GOLGB1: variants seen among roughly 807,000 people sequenced by gnomAD.
The protein encoded by GOLGB1 is golgin subfamily B member 1.
A neutral mutation model predicts 336.9 loss-of-function variants in GOLGB1; 174 were observed. The observed-to-expected ratio is 0.52, with a 90% CI of 0.46 to 0.59. GOLGB1 has a LOEUF of 0.59. Ranked by LOEUF, GOLGB1 falls within the 20% of genes least tolerant of loss-of-function variation. The pLI, the probability that GOLGB1 is intolerant of heterozygous loss-of-function variation, is 0.00. For missense variants in GOLGB1, 3,331 were observed against 3,645.3 expected (o/e 0.91, Z 2.22); for synonymous variants, 1,208 against 1,289.2 (o/e 0.94, Z 1.35).
At chr3:121,743,061 T>C (rs1946994377) in intron 1 of GOLGB1, among the ~76,000 whole-genome samples, 1 of 152,222 alleles carries the variant, frequency 6.6e-6, no homozygotes, top group African/African-American at 2.4e-5. Context: ...AGTGTGGCAA[T>C]TCCTCAAGGA....
rs142107400 is a variant in GOLGB1, at chr3:121,698,280, G to A, written c.2243C>T (p.Ser748Phe). Reference sequence around the variant, plus strand: ...AGAGAGAAGCTGGTCTCTTTCTTCAGACAAAGCAGTGAATGCACTGCTGTT... The same window carrying A: ...AGAGAGAAGCTGGTCTCTTTCTTCAAACAAAGCAGTGAATGCACTGCTGTT... ...DNNSSAFTAL[S>F]EERDQLLSQV... The change falls in exon 13 of 22, where the codon TCT (serine) becomes TTT (phenylalanine). Residue 748 changes from serine to phenylalanine, a missense_variant. Coordinates refer to ENST00000614479, the MANE Select transcript of GOLGB1 (RefSeq NM_001366282.2). 1 of 1,613,924 alleles carries A rather than the reference G, an allele frequency of 6.2e-7. No homozygotes were observed. The highest frequency in any genetic ancestry group is 8.5e-7 in the Non-Finnish European group (1 of 1,179,874).
intron 4 of GOLGB1, 185 bp downstream of exon 4, chr3:121,729,003 C>G: frequency 2.4e-6 from 1 of 414,104 alleles, no homozygotes; most frequent in Non-Finnish European, 4.3e-6. Context: ...TTCTGTACAT[C>G]TTTCATTCTC....
At chr3:121,689,470 A>T (rs1424460960) in intron 14 of GOLGB1, among the ~76,000 whole-genome samples, 7 of 151,244 alleles carry the variant, frequency 4.6e-5, no homozygotes, top group Non-Finnish European at 7.4e-5. Context: ...GTTAAGAGTC[A>T]TCACCACTCC....
In GOLGB1 at chr3:121,669,362, CAG is replaced by C; in HGVS notation, c.9178-9_9178-8del. The C allele has an allele frequency of 6.2e-7, 1 of 1,612,864 alleles. No homozygotes were observed. Among genetic ancestry groups the C allele is most frequent in the Non-Finnish European group, 8.5e-7 (1 of 1,178,984 alleles). On this transcript the variant is annotated splice_region_variant and splice_polypyrimidine_tract_variant and intron_variant, in intron 17 of 21. Coordinates refer to ENST00000614479, the MANE Select transcript of GOLGB1 (RefSeq NM_001366282.2). ...CTTCCAGTAGCTGAGAGAACTGAAA[CAG>C]AGGCGAGGATAAGCATCATCCTGCA...
At chr3:121,686,360 T>C (rs900955213) in intron 14 of GOLGB1, among the ~76,000 whole-genome samples, 1 of 152,238 alleles carries the variant, frequency 6.6e-6, no homozygotes, top group Non-Finnish European at 1.5e-5. Context: ...GTACAGGATA[T>C]GGTGACTTCC....
At chr3:121,727,293 CATAT>C (rs1235174337) in intron 4 of GOLGB1, among the ~76,000 whole-genome samples, 1,285 of 27,516 alleles carry the variant, frequency 0.047, 60 homozygotes, top group Non-Finnish European at 0.063. Flanking sequence ...CACACACACA[CATAT>C]ATATATATAT....
At chr3:121,683,826 T>G (rs1941381834) in intron 14 of GOLGB1, among the ~76,000 whole-genome samples, 1 of 151,932 alleles carries the variant, frequency 6.6e-6, no homozygotes, top group Non-Finnish European at 1.5e-5. Flanking sequence ...CCATTAGCCT[T>G]AGAAAGAGAA....
intron 7 of GOLGB1, 71 bp from the exon 8 acceptor site, chr3:121,718,572 T>G: frequency 3.6e-6 from 4 of 1,097,152 alleles, no homozygotes; most frequent in Non-Finnish European, 5.6e-6. Flanking sequence ...TTTCAAAATG[T>G]CATGTAGATT....
At chr3:121,664,827 G>T in intron 21 of GOLGB1, 99 bp downstream of exon 21, 1 of 827,018 alleles carries the variant, frequency 1.2e-6, no homozygotes, top group Non-Finnish European at 2.0e-6. Context: ...GCTGCTCAGT[G>T]GCTGGACTTC....
intron 17 of GOLGB1, among the ~76,000 whole-genome samples, chr3:121,671,601 G>C (rs904638941): frequency 6.6e-6 from 1 of 152,092 alleles, no homozygotes; most frequent in Non-Finnish European, 1.5e-5. Flanking sequence ...AGTGTATCTG[G>C]AATATCCATC....
chr3:121,741,061 TA>T (rs1349986708), intron 1 of GOLGB1, among the ~76,000 whole-genome samples: 1 of 152,052 alleles, frequency 6.6e-6, no homozygotes. Context: ...GTTACAAATT[TA>T]AGATATTCAA....
At chr3:121,676,394 TG>T (rs1940381546) in intron 17 of GOLGB1, among the ~76,000 whole-genome samples, 1 of 152,240 alleles carries the variant, frequency 6.6e-6, no homozygotes, top group Admixed American at 6.5e-5. Context: ...ATACAATTTT[TG>T]GGCATTCTTG....
chr3:121,747,739 T>C (rs184608877), intron 1 of GOLGB1, among the ~76,000 whole-genome samples: 2 of 152,226 alleles, frequency 1.3e-5, no homozygotes, highest in East Asian at 3.9e-4. Flanking sequence ...AGAAATTATT[T>C]ACAGTGCTTA....
In GOLGB1 at chr3:121,691,717, T is replaced by C. The variant is rs1046670302; in HGVS notation, c.7647A>G (p.Ile2549Met). 2 of 1,612,766 alleles carry C rather than the reference T, an allele frequency of 1.2e-6. No homozygotes were observed. Among genetic ancestry groups the C allele is most frequent in the African/African-American group, 2.7e-5 (2 of 74,790 alleles). ...GCTTTTGTTGGCTGTCCTTTATTGT[T>C]ATCACTTGGTTCAGGTCTTCTCTAT... ...IQYREDLNQV[I>M]TIKDSQQKQL... Residue 2549 changes from isoleucine to methionine, a missense_variant, in exon 14 of 22, where the codon ATA becomes ATG. Ile to Met is a conservative substitution (Grantham distance 10). Transcript: ENST00000614479.
chr3:121,712,158 T>G (rs1416021939), intron 10 of GOLGB1, among the ~76,000 whole-genome samples: 1 of 152,162 alleles, frequency 6.6e-6, no homozygotes, highest in African/African-American at 2.4e-5. Flanking sequence ...CAGAAATAGA[T>G]GTATTAGTCT....
At chr3:121,672,892 C>T (rs1939744537) in intron 17 of GOLGB1, among the ~76,000 whole-genome samples, 1 of 152,206 alleles carries the variant, frequency 6.6e-6, no homozygotes, top group Non-Finnish European at 1.5e-5. Context: ...ATTGTCCTTT[C>T]TCCATCATAT....
chr3:121,684,966 G>A (rs539825486), intron 14 of GOLGB1, among the ~76,000 whole-genome samples: 70 of 152,296 alleles, frequency 4.6e-4, no homozygotes, highest in Admixed American at 7.8e-4. Context: ...TTTTCTTCCT[G>A]AAGATGAAAT....
At position 121,682,473 on chromosome 3, in the gene GOLGB1, G is replaced by C. The variant is rs544332873; in HGVS notation, c.8695-608C>G. On this transcript the variant is annotated intron_variant, in intron 14 of 21. Coordinates refer to ENST00000614479, the MANE Select transcript of GOLGB1 (RefSeq NM_001366282.2). The stretch of plus-strand genomic sequence containing the variant: ...TAATTTTCCTCATCTATTAAATGAA[G>C]ATAATTATAGTACCTTTTTCATAAG... Among the ~76,000 whole-genome samples the C allele has an allele frequency of 5.9e-5, 9 of 152,182 alleles. No individual in the cohort carries two copies. The South Asian group carries it at 1.9e-3, about 32-fold the overall frequency.
chr3:121,699,860 G>A lies in GOLGB1; in HGVS notation c.1545C>T (p.Leu515=), dbSNP rs748646814. 2 of 1,602,384 alleles carry A rather than the reference G, an allele frequency of 1.2e-6. No individual in the cohort carries two copies. The highest frequency in any genetic ancestry group is 1.1e-5 in the South Asian group (1 of 90,256). Residue 515 remains leucine (L), a synonymous_variant, in exon 12 of 22, where the codon CTC becomes CTT. Coordinates refer to ENST00000614479, the MANE Select transcript of GOLGB1 (RefSeq NM_001366282.2). ...CCCCAGTTCTATTCTGAGCCTCTAG[G>A]AGAGTAATCTGAGAAGACAGTTTTT... is the stretch of plus-strand genomic sequence containing the variant. ...ENEKLSSQIT[L]LEAQNRTGEA...
Sources: allele counts gnomAD v4.1 joint callset (sites outside exome capture counted in the v4.1 genomes callset), GRCh38; gene constraint gnomAD v4.1.1; transcripts MANE v1.5; gene names NCBI Gene and HGNC (gene_info 2026-07-23, HGNC 2026-07-21).